Variants in ZNF385B observed in about 807,000 individuals in gnomAD.
The protein encoded by ZNF385B is zinc finger protein 533.
ZNF385B carries 23 observed loss-of-function variants against 39.2 expected under a neutral mutation model. That is an observed-to-expected ratio of 0.59 (90% CI 0.42 to 0.83). The LOEUF (loss-of-function observed/expected upper bound fraction) is 0.83, where lower values mean the gene tolerates loss of function less well. ZNF385B is among the 40% of genes least tolerant of loss of function. ZNF385B has a pLI of 0.00. For missense variants in ZNF385B, 552 were observed against 598.9 expected (o/e 0.92, Z 0.82); for synonymous variants, 205 against 222.6 (o/e 0.92, Z 0.70).
intron 3 of ZNF385B, among the ~76,000 whole-genome samples, chr2:179,721,348 A>G (rs1234432009): frequency 6.6e-6 from 1 of 152,200 alleles, no homozygotes; most frequent in African/African-American, 2.4e-5. Flanking sequence ...GTAGAACTAG[A>G]AAACCCAAAT....
chr2:179,583,126 A>G (rs1686725087), intron 3 of ZNF385B, among the ~76,000 whole-genome samples: 1 of 152,120 alleles, frequency 6.6e-6, no homozygotes, highest in Non-Finnish European at 1.5e-5. Flanking sequence ...AGGAGGCATG[A>G]CCTTCTTCAC....
intron 3 of ZNF385B, among the ~76,000 whole-genome samples, chr2:179,562,993 G>A (rs1292106593): frequency 1.4e-5 from 2 of 146,716 alleles, no homozygotes; most frequent in Non-Finnish European, 3.0e-5. Flanking sequence ...CATTCTATTA[G>A]GCCTGAAGAA....
chr2:179,830,908 G>C (rs1004895780), intron 1 of ZNF385B, among the ~76,000 whole-genome samples: 1 of 152,134 alleles, frequency 6.6e-6, no homozygotes, highest in Non-Finnish European at 1.5e-5. Flanking sequence ...ATAACAAATG[G>C]ATCATACCAA....
At chr2:179,665,501 G>T (rs763746054) in intron 3 of ZNF385B, among the ~76,000 whole-genome samples, 1 of 152,142 alleles carries the variant, frequency 6.6e-6, no homozygotes, top group Non-Finnish European at 1.5e-5. Flanking sequence ...TAATTTATAC[G>T]TTTGGAAGCT....
At chr2:179,579,028 G>A (rs550359190) in intron 3 of ZNF385B, among the ~76,000 whole-genome samples, 1 of 152,128 alleles carries the variant, frequency 6.6e-6, no homozygotes, top group South Asian at 2.1e-4. Context: ...ACTTTATCCT[G>A]ACATACACAG....
intron 3 of ZNF385B, among the ~76,000 whole-genome samples, chr2:179,612,585 G>A (rs1689379495): frequency 6.6e-6 from 1 of 152,100 alleles, no homozygotes; most frequent in Admixed American, 6.5e-5. Context: ...ACAAACTAAT[G>A]GAGTCTCTCC....
intron 4 of ZNF385B, among the ~76,000 whole-genome samples, chr2:179,524,900 C>G (rs932394515): frequency 6.6e-6 from 1 of 151,884 alleles, no homozygotes; most frequent in Non-Finnish European, 1.5e-5. Context: ...TTTCTTTTTT[C>G]TAGCTGTGTA....
intron 3 of ZNF385B, among the ~76,000 whole-genome samples, chr2:179,652,564 C>T (rs1693291352): frequency 6.6e-6 from 1 of 152,082 alleles, no homozygotes; most frequent in African/African-American, 2.4e-5. Flanking sequence ...TACCATAACT[C>T]TCAGTCACCC....
intron 3 of ZNF385B, among the ~76,000 whole-genome samples, chr2:179,747,539 AAC>A (rs1237156220): frequency 6.6e-6 from 1 of 152,108 alleles, no homozygotes; most frequent in Non-Finnish European, 1.5e-5. Flanking sequence ...TGCCTCACCC[AAC>A]ACACACATAA....
chr2:179,832,229 C>T (rs923709102), intron 1 of ZNF385B, among the ~76,000 whole-genome samples: 4 of 152,156 alleles, frequency 2.6e-5, no homozygotes, highest in Non-Finnish European at 5.9e-5. Context: ...CCTTGGTTCC[C>T]CAGGACACTA....
At chr2:179,571,743 T>A (rs1294587660) in intron 3 of ZNF385B, among the ~76,000 whole-genome samples, 2 of 152,128 alleles carry the variant, frequency 1.3e-5, no homozygotes, top group African/African-American at 4.8e-5. Context: ...TTCACAAATA[T>A]ACACTAGGAG....
chr2:179,835,843 A>G (rs1356848272), intron 1 of ZNF385B, among the ~76,000 whole-genome samples: 3 of 152,120 alleles, frequency 2.0e-5, no homozygotes, highest in Non-Finnish European at 4.4e-5. Context: ...CTTCTGGCAC[A>G]TGTCTCAGAG....
At chr2:179,610,483 T>C (rs1470548647) in intron 3 of ZNF385B, among the ~76,000 whole-genome samples, 2 of 152,146 alleles carry the variant, frequency 1.3e-5, no homozygotes, top group African/African-American at 4.8e-5. Flanking sequence ...TGAAGTTAGA[T>C]ACTGTGATTT....
At chr2:179,487,234 T>C (rs1036521326) in intron 5 of ZNF385B, among the ~76,000 whole-genome samples, 7 of 152,250 alleles carry the variant, frequency 4.6e-5, no homozygotes, top group Non-Finnish European at 7.3e-5. Context: ...TCCATAGCCA[T>C]GATCCACTTC....
intron 1 of ZNF385B, among the ~76,000 whole-genome samples, chr2:179,808,488 T>G (rs1275755410): frequency 1.3e-5 from 2 of 151,962 alleles, no homozygotes; most frequent in African/African-American, 2.4e-5. Flanking sequence ...AGTGCTGGCC[T>G]AAAAAAAATA....
At chr2:179,734,695 A>G (rs934916744) in intron 3 of ZNF385B, among the ~76,000 whole-genome samples, 1 of 152,182 alleles carries the variant, frequency 6.6e-6, no homozygotes. Context: ...CCTATCCTCA[A>G]AGTACTCATA....
chr2:179,516,423 G>C (rs2058093999), intron 5 of ZNF385B, among the ~76,000 whole-genome samples: 1 of 152,020 alleles, frequency 6.6e-6, no homozygotes, highest in South Asian at 2.1e-4. Context: ...AGGTCCAGTT[G>C]CTCCTCATCC....
chr2:179,523,354 T>TTTA (rs376362046), intron 4 of ZNF385B, among the ~76,000 whole-genome samples: 1 of 146,544 alleles, frequency 6.8e-6, no homozygotes. Context: ...GTGCGTTTTT[T>TTTA]TTTTTTTTTT....
chr2:179,498,652 A>G (rs1465974885), intron 5 of ZNF385B, among the ~76,000 whole-genome samples: 2 of 152,060 alleles, frequency 1.3e-5, no homozygotes, highest in African/African-American at 4.8e-5. Flanking sequence ...TAATGGAAAC[A>G]CAACATACCC....
Sources: allele counts gnomAD v4.1 joint callset (sites outside exome capture counted in the v4.1 genomes callset), GRCh38; gene constraint gnomAD v4.1.1; transcripts MANE v1.5; gene names NCBI Gene and HGNC (gene_info 2026-07-23, HGNC 2026-07-21).